Variants in NDST3 observed in about 807,000 individuals in gnomAD.
NDST3 encodes N-deacetylase and N-sulfotransferase 3.
A neutral mutation model predicts 96.1 loss-of-function variants in NDST3; 58 were observed. That is an observed-to-expected ratio of 0.60 (90% CI 0.49 to 0.75). NDST3 has a LOEUF of 0.75. NDST3 is among the 30% of genes least tolerant of loss of function. The probability of loss-of-function intolerance (pLI) is 0.00; values close to 1 mark genes in which losing one functional copy is unlikely to be tolerated. For missense variants in NDST3, 788 were observed against 1,034.2 expected (o/e 0.76, Z 3.27); for synonymous variants, 333 against 359.7 (o/e 0.93, Z 0.84).
chr4:118,232,581 T>C (rs1740373273), intron 8 of NDST3, among the ~76,000 whole-genome samples: 1 of 149,918 alleles, frequency 6.7e-6, no homozygotes, highest in South Asian at 2.1e-4. Flanking sequence ...AAGGTTGTAG[T>C]GAGCCATGAT....
intron 2 of NDST3, among the ~76,000 whole-genome samples, chr4:118,093,796 C>A (rs1485263002): frequency 6.6e-6 from 1 of 151,810 alleles, no homozygotes; most frequent in Non-Finnish European, 1.5e-5. Flanking sequence ...TGTACTGCTA[C>A]AACAAAATGC....
chr4:118,239,003 T>C (rs1203787744), intron 10 of NDST3, among the ~76,000 whole-genome samples: 13 of 152,240 alleles, frequency 8.5e-5, no homozygotes, highest in Admixed American at 8.5e-4. Flanking sequence ...CTGAGGGTCC[T>C]ATTTTCTTGG....
chr4:118,046,262 C>T (rs2110433628), intron 1 of NDST3, among the ~76,000 whole-genome samples: 1 of 152,274 alleles, frequency 6.6e-6, no homozygotes, highest in South Asian at 2.1e-4. Context: ...CCCGCATCCC[C>T]CATGGACACT....
At chr4:118,236,974 CT>C in intron 9 of NDST3, 71 bp from the exon 10 acceptor site, 2 of 1,193,102 alleles carry the variant, frequency 1.7e-6, no homozygotes, top group Non-Finnish European at 2.3e-6. Flanking sequence ...TTGTGGGACA[CT>C]TTTAACATCT....
At chr4:118,035,439 G>GT (rs34646125) in intron 1 of NDST3, among the ~76,000 whole-genome samples, 15,848 of 137,776 alleles carry the variant, frequency 0.12, 1,073 homozygotes, top group African/African-American at 0.19. Flanking sequence ...CTTTTTTTTT[G>GT]TTTTTTTTTT....
intron 6 of NDST3, among the ~76,000 whole-genome samples, chr4:118,211,437 A>C (rs538363545): frequency 2.6e-5 from 4 of 152,250 alleles, no homozygotes; most frequent in African/African-American, 9.6e-5. Context: ...GAAATATAAA[A>C]TTTCTAAGAA....
chr4:118,232,757 A>G (rs746141878), intron 8 of NDST3, among the ~76,000 whole-genome samples: 2 of 152,214 alleles, frequency 1.3e-5, no homozygotes, highest in Non-Finnish European at 2.9e-5. Flanking sequence ...AAAGTCACAG[A>G]CAAATCAGTC....
intron 1 of NDST3, among the ~76,000 whole-genome samples, chr4:118,038,543 C>A (rs547579698): frequency 6.6e-6 from 1 of 152,198 alleles, no homozygotes. Flanking sequence ...CAGCTTCTTA[C>A]TTGCCTACCA....
chr4:118,138,306 A>G (rs1733292376), intron 5 of NDST3, 67 bp downstream of exon 5: 4 of 1,365,398 alleles, frequency 2.9e-6, no homozygotes, highest in Non-Finnish European at 4.0e-6. Context: ...ACTTGAAGAA[A>G]GAAAAACACA....
At chr4:118,158,099 G>A (rs1437875715) in intron 6 of NDST3, among the ~76,000 whole-genome samples, 38 of 152,120 alleles carry the variant, frequency 2.5e-4, no homozygotes, top group Admixed American at 2.5e-3. Context: ...GATAATAAGA[G>A]AGAATTAGAG....
At position 118,200,773 on chromosome 4, in the gene NDST3, A is replaced by G. The variant is rs79691104; in HGVS notation, c.1540-23718A>G. ...AGATGAGAGTAATTTGGAAAGCTTC[A>G]TTTTCTTTTCTTTTTTTTTAATTTC... is the stretch of plus-strand genomic sequence containing the variant. On this transcript the variant is annotated intron_variant, in intron 6 of 13. Transcript: ENST00000296499. Among the ~76,000 whole-genome samples the G allele has an allele frequency of 8.1e-3, 1,234 of 151,910 alleles. 18 individuals carry two copies. The highest frequency in any genetic ancestry group is 0.028 in the African/African-American group (1,178 of 41,396).
chr4:118,175,862 T>C (rs901105652), intron 6 of NDST3, among the ~76,000 whole-genome samples: 1 of 152,108 alleles, frequency 6.6e-6, no homozygotes, highest in Non-Finnish European at 1.5e-5. Flanking sequence ...TAAATGTGTG[T>C]TCTCAGTGTG....
At chr4:118,156,617 T>G (rs13142184) in intron 6 of NDST3, among the ~76,000 whole-genome samples, 9,343 of 151,446 alleles carry the variant, frequency 0.062, 385 homozygotes, top group Non-Finnish European at 0.093. Flanking sequence ...ATTCACTTGA[T>G]TACAGAGGGT....
intron 2 of NDST3, among the ~76,000 whole-genome samples, chr4:118,084,360 T>TA (rs1287454415): frequency 6.6e-6 from 1 of 152,164 alleles, no homozygotes; most frequent in Non-Finnish European, 1.5e-5. Context: ...AATTGATTTT[T>TA]AAAAAAATAG....
chr4:118,120,462 T>C (rs1731471879), intron 4 of NDST3, among the ~76,000 whole-genome samples: 1 of 152,182 alleles, frequency 6.6e-6, no homozygotes, highest in Non-Finnish European at 1.5e-5. Flanking sequence ...GTAAGAGCTG[T>C]CTTTAGTCAT....
At chr4:118,213,760 A>G (rs908586912) in intron 6 of NDST3, among the ~76,000 whole-genome samples, 9 of 150,610 alleles carry the variant, frequency 6.0e-5, no homozygotes, top group African/African-American at 1.9e-4. Flanking sequence ...TCCTATATAT[A>G]AGATTTTTAA....
At chr4:118,200,114 T>A (rs908258994) in intron 6 of NDST3, among the ~76,000 whole-genome samples, 2 of 152,204 alleles carry the variant, frequency 1.3e-5, no homozygotes, top group Non-Finnish European at 2.9e-5. Flanking sequence ...GCCAGGCCTA[T>A]GTTCTTCCCT....
chr4:118,253,628 C>A lies in NDST3; in HGVS notation c.2502+27C>A, dbSNP rs753907732. On this transcript the variant is annotated intron_variant, in intron 13 of 13. Coordinates refer to ENST00000296499, the MANE Select transcript of NDST3 (RefSeq NM_004784.3). ...TAAGCATAGACCTTAAAAATACAAA[C>A]TAAATCAGCAAAATGGTAACCAATA... 4.2e-6 allele frequency: 6 copies of A among 1,430,808 alleles called. No homozygotes were observed. In the South Asian group the frequency reaches 5.0e-5, roughly 12 times the overall value. The allele number at this position is 1,430,808 out of a possible 1,614,324, so 88.6% of individuals were successfully genotyped here.
intron 6 of NDST3, among the ~76,000 whole-genome samples, chr4:118,168,913 T>C (rs1186063813): frequency 1.3e-5 from 2 of 152,228 alleles, no homozygotes; most frequent in South Asian, 2.1e-4. Context: ...ACATGAGATA[T>C]CTGAAACAGT....
Sources: gnomAD v4.1 joint callset for allele counts (sites outside exome capture counted in the v4.1 genomes callset) on GRCh38, gnomAD v4.1.1 for gene constraint, MANE v1.5 for transcripts, NCBI Gene and HGNC (gene_info 2026-07-23, HGNC 2026-07-21) for gene names.